Variants in IREB2 observed in about 807,000 individuals in gnomAD.
The protein encoded by IREB2 is iron responsive element binding protein 2, also known as iron-responsive element-binding protein 2.
IREB2 carries 39 observed loss-of-function variants against 118.8 expected under a neutral mutation model. The ratio of observed to expected loss-of-function variants is 0.33; its 90% confidence interval spans 0.25 to 0.43. IREB2 has a LOEUF of 0.43. Ranked by LOEUF, IREB2 falls within the 20% of genes least tolerant of loss-of-function variation. The probability of loss-of-function intolerance (pLI) is 1.00; values close to 1 mark genes in which losing one functional copy is unlikely to be tolerated. For synonymous variants in IREB2, 372 were observed against 392.2 expected (o/e 0.95, Z 0.61); for missense variants, 900 against 1,147.3 (o/e 0.78, Z 3.11).
rs550990552 is a variant in IREB2 at position 78,461,211 on chromosome 15, A to G, written c.107-1711A>G. Among the ~76,000 whole-genome samples, 108 of 152,316 alleles carry G rather than the reference A, an allele frequency of 7.1e-4. 1 individual carries two copies. The highest frequency in any genetic ancestry group is 2.4e-3 in the African/African-American group (98 of 41,564). ...TAACTCACTATCTCTGCTTTTTATC[A>G]TACATTGTCACCTCAGGACATCTAT... On this transcript the variant is annotated intron_variant, in intron 2 of 21. Coordinates refer to ENST00000258886, the MANE Select transcript of IREB2 (RefSeq NM_004136.4).
intron 2 of IREB2, among the ~76,000 whole-genome samples, chr15:78,459,067 C>T (rs530424486): frequency 3.3e-5 from 5 of 152,058 alleles, no homozygotes; most frequent in Non-Finnish European, 7.4e-5. Context: ...GCGGGGATTA[C>T]AGGTATGTGC....
chr15:78,500,538 C>CAAA lies in IREB2; in HGVS notation c.*2412_*2414dup, dbSNP rs59011037. 8.5e-6 allele frequency: 1 copy of CAAA among 117,340 alleles called. No individual in the cohort carries two copies. The allele number at this position is 117,340 out of a possible 1,614,324, so 7.3% of individuals were successfully genotyped here. On this transcript the variant is annotated 3_prime_UTR_variant, in exon 22 of 22. Transcript: ENST00000258886. ...TATACCTTGGGTAATTTTGTGTTACCAAAAAAAAAAAAAAAAAAAGGAAGT... is the reference window on the plus strand; with the variant it reads ...TATACCTTGGGTAATTTTGTGTTACCAAAAAAAAAAAAAAAAAAAAAAGGAAGT...
intron 13 of IREB2, among the ~76,000 whole-genome samples, chr15:78,486,869 T>C (rs1353798212): frequency 5.9e-5 from 9 of 152,032 alleles, no homozygotes; most frequent in Non-Finnish European, 1.2e-4. Context: ...AGAGTTTCAC[T>C]GTGTTGGCCA....
At position 78,497,299 on chromosome 15, in the gene IREB2, A is replaced by G. The variant is rs572231369; in HGVS notation, c.2769A>G (p.Thr923=). The G allele has an allele frequency of 2.5e-5, 40 of 1,611,342 alleles. No homozygotes were observed. In the Middle Eastern group the frequency reaches 8.3e-4, roughly 33 times the overall value. The part of the protein sequence containing the change: ...TFPEELSPGI[T]LNIQTSTGKV... ...CTGAAGAACTGTCTCCTGGAATTAC[A>G]TTGAATATACAGGTATCTCTAAATT... The change falls in exon 21 of 22, where the codon ACA becomes ACG. Residue 923 remains threonine (T), a synonymous_variant. Transcript: ENST00000258886.
chr15:78,494,187 C>G lies in IREB2; in HGVS notation c.2518C>G (p.Pro840Ala). The G allele has an allele frequency of 6.2e-7, 1 of 1,613,898 alleles. No homozygotes were observed. Among genetic ancestry groups the G allele is most frequent in the East Asian group, 2.2e-5 (1 of 44,866 alleles). The change falls in exon 20 of 22, where the codon CCA becomes GCA. Residue 840 changes from proline to alanine, a missense_variant. Physicochemically the swap from Pro to Ala is conservative, Grantham distance 27. Coordinates refer to ENST00000258886, the MANE Select transcript of IREB2 (RefSeq NM_004136.4). ...AGAGCTGTACCAGAAAGAAGGTATC[C>G]CACTGATTATTTTAGCAGGAAAGAA... ...AAELYQKEGI[P>A]LIILAGKKYG...
chr15:78,450,127 C>G (rs928927284), intron 2 of IREB2, among the ~76,000 whole-genome samples: 4 of 152,104 alleles, frequency 2.6e-5, no homozygotes, highest in African/African-American at 9.7e-5. Flanking sequence ...TTGTATATTT[C>G]TAGCAAATGA....
chr15:78,470,411 C>G (rs900356645), intron 5 of IREB2, 121 bp from the exon 6 acceptor site: 19 of 563,224 alleles, frequency 3.4e-5, no homozygotes, highest in Admixed American at 5.6e-5. Flanking sequence ...GTAAATAGTT[C>G]TTCCAAGGAT....
chr15:78,469,502 T>C (rs551859663), intron 5 of IREB2, among the ~76,000 whole-genome samples: 2 of 152,080 alleles, frequency 1.3e-5, no homozygotes, highest in East Asian at 3.9e-4. Flanking sequence ...GGTGGATCAG[T>C]CACCTGAGAT....
At chr15:78,473,148 A>C (rs1305216460) in intron 7 of IREB2, 94 bp from the exon 8 acceptor site, 1 of 1,211,172 alleles carries the variant, frequency 8.3e-7, no homozygotes, top group African/African-American at 1.5e-5. Flanking sequence ...GTACTGTGTA[A>C]GATAAGCTCA....
Position 78,497,286 on chromosome 15 carries a change from C to G in IREB2, c.2756C>G (p.Ser919Cys). Residue 919 changes from serine (S) to cysteine (C), a missense_variant, in exon 21 of 22, where the codon TCT becomes TGT. By Grantham distance (112) the Ser-to-Cys change is moderately radical (BLOSUM62 -1). Coordinates refer to ENST00000258886, the MANE Select transcript of IREB2 (RefSeq NM_004136.4). ...TCTTTAACATTTCCTGAAGAACTGTCTCCTGGAATTACATTGAATATACAG... is the reference window on the plus strand; with the variant it reads ...TCTTTAACATTTCCTGAAGAACTGTGTCCTGGAATTACATTGAATATACAG... ...TFSLTFPEEL[S>C]PGITLNIQTS... is the part of the protein sequence containing the mutation. The G allele has an allele frequency of 6.2e-7, 1 of 1,613,358 alleles. No individual in the cohort carries two copies. Among genetic ancestry groups the G allele is most frequent in the South Asian group, 1.1e-5 (1 of 91,052 alleles).
chr15:78,497,804 A>T (rs2051863223), intron 21 of IREB2, among the ~76,000 whole-genome samples: 1 of 152,308 alleles, frequency 6.6e-6, no homozygotes, highest in Middle Eastern at 3.4e-3. Flanking sequence ...CAAAATCTAA[A>T]TGCAGCTATT....
intron 9 of IREB2, 49 bp from the exon 10 acceptor site, chr15:78,478,248 T>A (rs954863374): frequency 8.2e-7 from 1 of 1,221,976 alleles, no homozygotes; most frequent in Non-Finnish European, 1.2e-6. Context: ...AAATAATAAC[T>A]AAATAAATTT....
intron 10 of IREB2, among the ~76,000 whole-genome samples, chr15:78,479,798 G>A (rs1200622074): frequency 9.2e-5 from 14 of 151,938 alleles, no homozygotes; most frequent in Admixed American, 3.3e-4. Context: ...GCATGCTCCC[G>A]TGGTTCCACA....
chr15:78,480,117 C>T (rs1879663628), intron 10 of IREB2: 1 of 152,124 alleles, frequency 6.6e-6, no homozygotes, highest in South Asian at 2.1e-4. Flanking sequence ...ATCCCCAGCT[C>T]CTAGAACAAT....
At chr15:78,466,143 A>G (rs993782204) in intron 4 of IREB2, 128 bp from the exon 5 acceptor site, 2 of 546,154 alleles carry the variant, frequency 3.7e-6, no homozygotes, top group Middle Eastern at 4.8e-4. Flanking sequence ...CCTGAGTTAA[A>G]TGATACATTA....
chr15:78,447,455 T>G (rs2050949871), intron 2 of IREB2, among the ~76,000 whole-genome samples: 1 of 151,770 alleles, frequency 6.6e-6, no homozygotes, highest in Admixed American at 6.6e-5. Context: ...CTCAGCCTCC[T>G]GAGTAGCTGG....
rs1566990031 is a variant in IREB2 at position 78,484,745 on chromosome 15, G to A, written c.1414-16G>A. 1.3e-6 allele frequency: 2 copies of A among 1,597,818 alleles called. No individual in the cohort carries two copies. Among genetic ancestry groups the A allele is most frequent in the Non-Finnish European group, 1.7e-6 (2 of 1,167,340 alleles). On this transcript the variant is annotated splice_polypyrimidine_tract_variant and intron_variant, in intron 11 of 21. Transcript: ENST00000258886. ...CCCAGAATATTTAGTTTATATTTTT[G>A]TGGAAATTTGTATAGGTTGGATTTA...
At chr15:78,477,455 G>T (rs1380141304) in intron 9 of IREB2, among the ~76,000 whole-genome samples, 12 of 152,180 alleles carry the variant, frequency 7.9e-5, no homozygotes, top group Non-Finnish European at 1.3e-4. Flanking sequence ...GAGGACTTAG[G>T]TAAGTCTATC....
At chr15:78,463,316 C>T (rs1479508667) in intron 3 of IREB2, among the ~76,000 whole-genome samples, 2 of 152,100 alleles carry the variant, frequency 1.3e-5, no homozygotes, top group African/African-American at 2.4e-5. Context: ...TGGTGCATGC[C>T]TGTAGTCCCA....
Sources: allele counts gnomAD v4.1 joint callset (sites outside exome capture counted in the v4.1 genomes callset), GRCh38; gene constraint gnomAD v4.1.1; transcripts MANE v1.5; gene names NCBI Gene and HGNC (gene_info 2026-07-23, HGNC 2026-07-21).